The following KANK1 variants were observed in gnomAD, a reference collection of about 807,000 sequenced individuals.
KANK1 encodes the protein KN motif and ankyrin repeat domain-containing protein 1.
Under a neutral mutation model 106.2 loss-of-function variants are expected in KANK1, and 109 were observed. That is an observed-to-expected ratio of 1.03 (90% CI 0.88 to 1.20). The LOEUF is 1.20. Among genes scored for constraint, KANK1 ranks in the 50% most tolerant of loss-of-function variants. The probability of loss-of-function intolerance (pLI) is 0.00; values close to 1 mark genes in which losing one functional copy is unlikely to be tolerated. For synonymous variants in KANK1, 873 were observed against 652.2 expected, an observed-to-expected ratio of 1.34 and a Z score of -5.16; for missense variants, 2,399 against 1,710.7, an observed-to-expected ratio of 1.40 and a Z score of -7.10.
chr9:536,212 G>A (rs958589400), intron 1 of KANK1, among the ~76,000 whole-genome samples: 1 of 152,160 alleles, frequency 6.6e-6, no homozygotes, highest in Non-Finnish European at 1.5e-5. Flanking sequence ...ATGGTGGCGG[G>A]CACCTGTAAT....
At chr9:545,450 G>A (rs1196436466) in intron 1 of KANK1, among the ~76,000 whole-genome samples, 1 of 152,170 alleles carries the variant, frequency 6.6e-6, no homozygotes, top group East Asian at 1.9e-4. Context: ...AGCGGATGAG[G>A]TGATAAGATC....
At position 541,946 on chromosome 9, in the gene KANK1, G is replaced by A. The variant is rs373759068; in HGVS notation, c.-84+37192G>A. On this transcript the variant is annotated intron_variant, in intron 1 of 11. Coordinates refer to ENST00000382297, the MANE Select transcript of KANK1 (RefSeq NM_015158.5). ...CTACTAAAAATACAAAAAATTAGCC[G>A]GGCGTGGTAGCGGGCCCCTGTAGTC... Among the ~76,000 whole-genome samples the A allele has an allele frequency of 1.1e-3, 168 of 151,276 alleles. 2 individuals carry two copies. The East Asian group carries it at 0.021, about 18-fold the overall frequency.
intron 2 of KANK1, among the ~76,000 whole-genome samples, chr9:710,549 C>T (rs957212266): frequency 1.4e-5 from 2 of 141,730 alleles, no homozygotes; most frequent in Non-Finnish European, 3.0e-5. Flanking sequence ...TCCCAGGAGA[C>T]GGAGGCTGCA....
intron 1 of KANK1, among the ~76,000 whole-genome samples, chr9:559,123 G>T (rs1331970029): frequency 2.6e-5 from 4 of 151,996 alleles, no homozygotes; most frequent in Non-Finnish European, 4.4e-5. Flanking sequence ...GCCTTTTTGG[G>T]GGAGCTTGAT....
In KANK1 at chr9:712,177, C is replaced by T. The variant is rs17853808; in HGVS notation, c.1411C>T (p.Arg471Cys). ...TIESLKEKIY[R>C]LEVQLRETTH... is the part of the protein sequence containing the mutation. ...AGAATCCTTGAAGGAAAAGATCTAT[C>T]GCCTAGAAGTACAGCTTAGAGAAAC... Residue 471 changes from arginine (R) to cysteine (C), a missense_variant, in exon 3 of 12, where the codon CGC becomes TGC. Transcript: ENST00000382297. 5.6e-6 allele frequency: 9 copies of T among 1,614,088 alleles called. No homozygotes were observed. The South Asian group carries it at 6.6e-5, about 12-fold the overall frequency.
intron 2 of KANK1, among the ~76,000 whole-genome samples, chr9:682,375 T>G (rs1043926634): frequency 2.6e-5 from 4 of 152,172 alleles, no homozygotes; most frequent in African/African-American, 9.7e-5. Context: ...ACACTAGGTC[T>G]TATTTTTAGT....
chr9:717,620 T>A (rs1324925293), intron 3 of KANK1, among the ~76,000 whole-genome samples: 1 of 152,176 alleles, frequency 6.6e-6, no homozygotes, highest in Admixed American at 6.5e-5. Flanking sequence ...CATTTAATAT[T>A]TTCTTTTATA....
At chr9:671,637 G>T (rs1350269064) in intron 1 of KANK1, among the ~76,000 whole-genome samples, 1 of 88,010 alleles carries the variant, frequency 1.1e-5, no homozygotes, top group Non-Finnish European at 2.1e-5. Context: ...AGAGTGTACT[G>T]GTTAAGTACT....
chr9:724,021 T>C (rs1039366692), intron 3 of KANK1, among the ~76,000 whole-genome samples: 2 of 151,520 alleles, frequency 1.3e-5, no homozygotes, highest in Non-Finnish European at 2.9e-5. Flanking sequence ...GAGGATTGAT[T>C]AAGCCTGGGA....
chr9:642,635 T>G (rs1838734053), intron 1 of KANK1, among the ~76,000 whole-genome samples: 1 of 150,880 alleles, frequency 6.6e-6, no homozygotes, highest in African/African-American at 2.5e-5. Context: ...TCCCCTCCTT[T>G]GAGTGGGAGA....
chr9:589,554 A>G (rs909131024), intron 1 of KANK1, among the ~76,000 whole-genome samples: 3 of 152,098 alleles, frequency 2.0e-5, no homozygotes, highest in Non-Finnish European at 4.4e-5. Flanking sequence ...AGGGAAAAAC[A>G]GGGGGCCAGG....
rs560909751 is a variant in KANK1, at chr9:523,368, C to G, written c.-84+18614C>G. Among the ~76,000 whole-genome samples the G allele has an allele frequency of 1.8e-4, 27 of 151,844 alleles. 1 individual carries two copies. Among genetic ancestry groups the G allele is most frequent in the African/African-American group, 6.6e-4 (27 of 41,142 alleles). ...CACCTTCAAATATATGTAGAATCTG[C>G]ATCGTCCTCCCTCTTTCCACTGCCA... is the stretch of plus-strand genomic sequence containing the variant. On this transcript the variant is annotated intron_variant, in intron 1 of 11. Transcript: ENST00000382297.
chr9:653,571 C>A (rs761281009), intron 1 of KANK1, among the ~76,000 whole-genome samples: 1 of 152,100 alleles, frequency 6.6e-6, no homozygotes, highest in Non-Finnish European at 1.5e-5. Context: ...TTCCCTTGAA[C>A]GATGCAAGTT....
At chr9:563,655 G>A (rs1817062771) in intron 1 of KANK1, among the ~76,000 whole-genome samples, 1 of 152,204 alleles carries the variant, frequency 6.6e-6, no homozygotes, top group South Asian at 2.1e-4. Flanking sequence ...TGTGAGGTCA[G>A]AAGTGTCAGT....
In KANK1 at chr9:712,828, A is replaced by T. The variant is rs376038191; in HGVS notation, c.2062A>T (p.Thr688Ser). 224 of 1,613,936 alleles carry T rather than the reference A, an allele frequency of 1.4e-4. 4 individuals are homozygous for T. The South Asian group carries it at 1.8e-3, about 13-fold the overall frequency. The change falls in exon 3 of 12, where the codon ACG (threonine) becomes TCG (serine). Residue 688 changes from threonine (T) to serine (S), a missense_variant. By Grantham distance (58) the Thr-to-Ser change is moderately conservative (BLOSUM62 1). Transcript: ENST00000382297. ...EQVHQFTNTETATLIESCTNT... is the reference protein window; with the variant it reads ...EQVHQFTNTESATLIESCTNT... Reference sequence around the variant, plus strand: ...GGTGCACCAGTTCACCAACACCGAGACGGCCACCCTCATAGAGTCCTGCAC... The same window carrying T: ...GGTGCACCAGTTCACCAACACCGAGTCGGCCACCCTCATAGAGTCCTGCAC...
At chr9:541,919 C>G (rs2060624625) in intron 1 of KANK1, among the ~76,000 whole-genome samples, 1 of 151,524 alleles carries the variant, frequency 6.6e-6, no homozygotes. Context: ...GAAACCCCGT[C>G]TCTACTAAAA....
intron 2 of KANK1, among the ~76,000 whole-genome samples, chr9:701,765 G>A (rs552956284): frequency 6.6e-6 from 1 of 152,150 alleles, no homozygotes; most frequent in South Asian, 2.1e-4. Context: ...AGTTTCCTGC[G>A]ATCTAATCTT....
intron 2 of KANK1, among the ~76,000 whole-genome samples, chr9:708,690 G>A (rs1825021181): frequency 6.6e-6 from 1 of 152,140 alleles, no homozygotes; most frequent in South Asian, 2.1e-4. Flanking sequence ...GCTGGGGGTT[G>A]GGAGGGCAGA....
chr9:662,272 G>T (rs558683020), intron 1 of KANK1, among the ~76,000 whole-genome samples: 1 of 152,126 alleles, frequency 6.6e-6, no homozygotes, highest in African/African-American at 2.4e-5. Context: ...TATAGGTTCA[G>T]TGCCATCCCC....
Sources: allele counts gnomAD v4.1 joint callset (sites outside exome capture counted in the v4.1 genomes callset), GRCh38; gene constraint gnomAD v4.1.1; transcripts MANE v1.5; gene names NCBI Gene and HGNC (gene_info 2026-07-23, HGNC 2026-07-21).